Variants in NRG1 observed in about 807,000 individuals in gnomAD.
NRG1 encodes pro-neuregulin-1, membrane-bound isoform.
Under a neutral mutation model 63.8 loss-of-function variants are expected in NRG1, and 18 were observed. That is an observed-to-expected ratio of 0.28 (90% CI 0.19 to 0.42). NRG1 has a LOEUF of 0.42. Among genes scored for constraint, NRG1 ranks in the 10% least tolerant of loss-of-function variants. The pLI is 1.00. For synonymous variants in NRG1, 302 were observed against 301.3 expected (o/e 1.00, Z -0.02); for missense variants, 762 against 814.7 (o/e 0.94, Z 0.79).
chr8:31,937,856 A>G (rs1432469979), intron 1 of NRG1, among the ~76,000 whole-genome samples: 1 of 152,200 alleles, frequency 6.6e-6, no homozygotes, highest in Non-Finnish European at 1.5e-5. Context: ...CACAGCAGCC[A>G]CAGCAAGCCC....
intron 5 of NRG1, among the ~76,000 whole-genome samples, chr8:32,694,877 G>A (rs915659365): frequency 3.3e-5 from 5 of 152,136 alleles, no homozygotes; most frequent in Admixed American, 1.3e-4. Flanking sequence ...GAGGGTCCAC[G>A]GGAGCTAGGA....
intron 5 of NRG1, among the ~76,000 whole-genome samples, chr8:32,697,415 A>G (rs1294203389): frequency 6.6e-6 from 1 of 152,230 alleles, no homozygotes; most frequent in Admixed American, 6.5e-5. Flanking sequence ...AACAAATTAG[A>G]GGATTGCTTA....
intron 1 of NRG1, among the ~76,000 whole-genome samples, chr8:31,763,614 C>T (rs1268646916): frequency 6.6e-6 from 1 of 152,066 alleles, no homozygotes; most frequent in African/African-American, 2.4e-5. Flanking sequence ...ATTAGGGATG[C>T]TAGATGTGAG....
At chr8:32,047,078 C>T (rs1480962625) in intron 1 of NRG1, among the ~76,000 whole-genome samples, 1 of 151,990 alleles carries the variant, frequency 6.6e-6, no homozygotes, top group Non-Finnish European at 1.5e-5. Context: ...TGAATCTGTT[C>T]TCAGTGTCTC....
intron 1 of NRG1, among the ~76,000 whole-genome samples, chr8:31,951,773 A>C (rs1052410695): frequency 6.6e-6 from 1 of 152,210 alleles, no homozygotes; most frequent in African/African-American, 2.4e-5. Context: ...TTCTTCAAAC[A>C]TAGTAGAAAG....
chr8:32,436,744 T>C (rs1054129516), intron 1 of NRG1, among the ~76,000 whole-genome samples: 1 of 152,194 alleles, frequency 6.6e-6, no homozygotes, highest in Non-Finnish European at 1.5e-5. Flanking sequence ...AAATATTGTA[T>C]GTTTCTATTC....
chr8:32,531,793 G>A (rs1236692332), intron 1 of NRG1, among the ~76,000 whole-genome samples: 15 of 152,116 alleles, frequency 9.9e-5, no homozygotes, highest in Admixed American at 8.5e-4. Flanking sequence ...TAGGGTTATC[G>A]TGAAAGTTAA....
chr8:31,930,170 T>TA (rs1206440245), intron 1 of NRG1, among the ~76,000 whole-genome samples: 1 of 152,214 alleles, frequency 6.6e-6, no homozygotes, highest in Non-Finnish European at 1.5e-5. Flanking sequence ...AATAATATCG[T>TA]AGGCAGAAGA....
intron 1 of NRG1, among the ~76,000 whole-genome samples, chr8:32,422,612 T>A (rs1816828027): frequency 6.6e-6 from 1 of 152,122 alleles, no homozygotes; most frequent in South Asian, 2.1e-4. Flanking sequence ...TTTGTATCTT[T>A]AAACATATTA....
At chr8:32,547,100 A>AGT (rs2129522522), upstream of NRG1, among the ~76,000 whole-genome samples, 1 of 152,312 alleles carries the variant, frequency 6.6e-6, no homozygotes, top group Non-Finnish European at 1.5e-5. Context: ...GTAAATTAAG[A>AGT]GTCTAAGTTA....
intron 1 of NRG1, among the ~76,000 whole-genome samples, chr8:31,645,864 T>C (rs559575862): frequency 1.3e-5 from 2 of 152,350 alleles, no homozygotes; most frequent in South Asian, 4.1e-4. Context: ...GTCCTACTAC[T>C]TTCTAACTCA....
chr8:32,200,341 T>C (rs1267289869), intron 1 of NRG1, among the ~76,000 whole-genome samples: 1 of 152,236 alleles, frequency 6.6e-6, no homozygotes, highest in Non-Finnish European at 1.5e-5. Context: ...GTGCTTTAGT[T>C]GTTCTCTTAG....
At chr8:31,831,573 T>A (rs1349746262) in intron 1 of NRG1, among the ~76,000 whole-genome samples, 2 of 152,218 alleles carry the variant, frequency 1.3e-5, no homozygotes, top group Non-Finnish European at 2.9e-5. Flanking sequence ...TCATACCATG[T>A]GAAACCTGGC....
intron 1 of NRG1, among the ~76,000 whole-genome samples, chr8:31,845,035 A>G (rs1826550664): frequency 6.6e-6 from 1 of 151,976 alleles, no homozygotes; most frequent in Non-Finnish European, 1.5e-5. Context: ...CAAACCCGGG[A>G]GGCGGAGGTT....
chr8:31,917,777 A>G (rs1185353587), intron 1 of NRG1, among the ~76,000 whole-genome samples: 1 of 152,224 alleles, frequency 6.6e-6, no homozygotes, highest in Admixed American at 6.5e-5. Flanking sequence ...ATGGCATTGA[A>G]TCTATAAATT....
At chr8:32,291,434 A>G (rs1262815968) in intron 1 of NRG1, among the ~76,000 whole-genome samples, 1 of 151,914 alleles carries the variant, frequency 6.6e-6, no homozygotes, top group Non-Finnish European at 1.5e-5. Context: ...AAGCAGTTGG[A>G]TATAAATTTG....
At chr8:32,002,772 G>A (rs183111414) in intron 1 of NRG1, among the ~76,000 whole-genome samples, 4 of 152,020 alleles carry the variant, frequency 2.6e-5, no homozygotes, top group Admixed American at 6.6e-5. Flanking sequence ...TTGTGCCTGC[G>A]CACCTATCTA....
intron 1 of NRG1, among the ~76,000 whole-genome samples, chr8:31,703,262 G>A (rs1294134788): frequency 6.6e-6 from 1 of 151,544 alleles, no homozygotes; most frequent in African/African-American, 2.4e-5. Context: ...TGTGTCTACA[G>A]CCCTCATTTA....
At chr8:31,648,571 C>T (rs1228523707) in intron 1 of NRG1, among the ~76,000 whole-genome samples, 1 of 152,190 alleles carries the variant, frequency 6.6e-6, no homozygotes, top group Non-Finnish European at 1.5e-5. Context: ...CTCATTTTCT[C>T]CTCCCCCAGC....
Sources: allele counts gnomAD v4.1 joint callset (sites outside exome capture counted in the v4.1 genomes callset), GRCh38; gene constraint gnomAD v4.1.1; transcripts MANE v1.5; gene names NCBI Gene and HGNC (gene_info 2026-07-23, HGNC 2026-07-21).